The following POLI variants were observed in gnomAD, a reference collection of about 807,000 sequenced individuals.
The protein encoded by POLI is DNA polymerase iota.
Under a neutral mutation model 51.6 loss-of-function variants are expected in POLI, and 58 were observed. The ratio of observed to expected loss-of-function variants is 1.12; its 90% confidence interval spans 0.91 to 1.40. The LOEUF (loss-of-function observed/expected upper bound fraction) is 1.40, where lower values mean the gene tolerates loss of function less well. POLI is among the 40% of genes most tolerant of loss of function. The pLI, the probability that POLI is intolerant of heterozygous loss-of-function variation, is 0.00. For synonymous variants in POLI, 322 were observed against 299.7 expected (o/e 1.07, Z -0.77); for missense variants, 921 against 871.3 (o/e 1.06, Z -0.72).
At position 54,304,232 on chromosome 18, in the gene POLI, T is replaced by C. The variant is rs544449960; in HGVS notation, c.334-16041T>C. On this transcript the variant is annotated intron_variant, in intron 3 of 4. Coordinates refer to the POLI transcript ENST00000579823. ...GACACAATAAACATACATGTGCGTG[T>C]GTCTTTATAGTAGCATGATGTATAA... Among the ~76,000 whole-genome samples the C allele has an allele frequency of 2.0e-5, 3 of 152,324 alleles. No homozygotes were observed. In the East Asian group the frequency reaches 5.8e-4, roughly 29 times the overall value.
downstream of POLI, among the ~76,000 whole-genome samples, chr18:54,301,367 A>C (rs944339066): frequency 2.0e-5 from 3 of 152,148 alleles, no homozygotes; most frequent in African/African-American, 7.2e-5. Context: ...GATACAGAAG[A>C]CCTGAACAAT....
Position 54,295,175 on chromosome 18 carries a change from A to G in POLI, c.*708A>G, listed in dbSNP as rs2088257278. 1 of 984,036 alleles carries G rather than the reference A, an allele frequency of 1.0e-6. No individual in the cohort carries two copies. Among genetic ancestry groups the G allele is most frequent in the African/African-American group, 1.7e-5 (1 of 57,272 alleles). 61.0% of individuals were successfully genotyped at this position (984,036 alleles called of 1,614,324 possible). ...CAAGTAAATTAAGGGAAAGATGGAC[A>G]CCAGAAAGGCAAGGTGATGGGCCTA... is the stretch of plus-strand genomic sequence containing the variant. On this transcript the variant is annotated 3_prime_UTR_variant, in exon 10 of 10. Coordinates refer to ENST00000579534, the MANE Select transcript of POLI (RefSeq NM_007195.3).
chr18:54,294,471 T>A lies in POLI; in HGVS notation c.*4T>A, dbSNP rs1305883369. 3 of 1,573,374 alleles carry A rather than the reference T, an allele frequency of 1.9e-6. No individual in the cohort carries two copies. The highest frequency in any genetic ancestry group is 3.9e-5 in the Admixed American group (2 of 51,360). On this transcript the variant is annotated 3_prime_UTR_variant, in exon 10 of 10. Coordinates refer to ENST00000579534, the MANE Select transcript of POLI (RefSeq NM_007195.3). ...TTTCCACATTGGACATAAATAAGCA[T>A]ATTCAGCAAAAAGGTCTGAAAAGCA...
intron 3 of POLI, among the ~76,000 whole-genome samples, chr18:54,274,292 G>A (rs563391267): frequency 1.3e-5 from 2 of 152,196 alleles, no homozygotes; most frequent in East Asian, 3.9e-4. Context: ...AAGATGTATA[G>A]TTGGAAGTAA....
chr18:54,271,643 A>G (rs1337204582), intron 2 of POLI, among the ~76,000 whole-genome samples, 158 bp downstream of exon 2: 2 of 152,250 alleles, frequency 1.3e-5, no homozygotes, highest in Admixed American at 6.5e-5. Context: ...TACCAAGTGT[A>G]AATTTTACAA....
intron 4 of POLI, among the ~76,000 whole-genome samples, chr18:54,280,269 A>G (rs1345870022): frequency 1.3e-5 from 2 of 152,216 alleles, no homozygotes; most frequent in Non-Finnish European, 2.9e-5. Context: ...GTTTCCACTC[A>G]TGGTGGAAGG....
intron 3 of POLI, among the ~76,000 whole-genome samples, chr18:54,315,805 T>C (rs2088727704): frequency 6.6e-6 from 1 of 152,204 alleles, no homozygotes; most frequent in African/African-American, 2.4e-5. Context: ...ATTTGCATGA[T>C]GGATCTTTCT....
intron 3 of POLI, among the ~76,000 whole-genome samples, chr18:54,309,548 G>A (rs1244027360): frequency 6.6e-6 from 1 of 152,202 alleles, no homozygotes; most frequent in Non-Finnish European, 1.5e-5. Context: ...GGGTGTCAGG[G>A]AAGAGGCAGT....
Position 54,308,968 on chromosome 18 carries a change from A to G in POLI, c.334-11305A>G, listed in dbSNP as rs150041275. 3.8e-3 allele frequency among the ~76,000 whole-genome samples: 580 copies of G among 152,264 alleles called. 4 individuals are homozygous for G. The highest frequency in any genetic ancestry group is 0.013 in the African/African-American group (536 of 41,538). ...AGGTCTTCTCTACACTGTTTATTCT[A>G]GTTAGCCATTCGTCTAATCTTTTTT... On this transcript the variant is annotated intron_variant, in intron 3 of 4. Coordinates refer to the POLI transcript ENST00000579823.
At chr18:54,312,203 T>C (rs1027775349) in intron 3 of POLI, among the ~76,000 whole-genome samples, 2 of 152,144 alleles carry the variant, frequency 1.3e-5, no homozygotes, top group African/African-American at 4.8e-5. Context: ...GAAAACGCAG[T>C]ATTTGATTTT....
intron 4 of POLI, among the ~76,000 whole-genome samples, chr18:54,278,173 C>A (rs890724760): frequency 6.6e-6 from 1 of 152,092 alleles, no homozygotes; most frequent in Non-Finnish European, 1.5e-5. Context: ...TTTAGAAAGC[C>A]ATACCCAGCT....
chr18:54,318,528 T>C (rs2144654681), intron 3 of POLI, among the ~76,000 whole-genome samples: 1 of 152,340 alleles, frequency 6.6e-6, no homozygotes, highest in South Asian at 2.1e-4. Flanking sequence ...AGATCTCATA[T>C]TAGTAAAATT....
chr18:54,277,915 C>T, intron 4 of POLI, 60 bp downstream of exon 4: 1 of 1,244,720 alleles, frequency 8.0e-7, no homozygotes, highest in Non-Finnish European at 1.1e-6. Flanking sequence ...TCTTAATGTT[C>T]AGTGAGTTCG....
intron 3 of POLI, among the ~76,000 whole-genome samples, chr18:54,274,332 A>G (rs1387634257): frequency 1.8e-4 from 28 of 152,224 alleles, no homozygotes; most frequent in Admixed American, 1.8e-3. Flanking sequence ...TGTTTATATA[A>G]CAGGGAAAAG....
downstream of POLI, among the ~76,000 whole-genome samples, chr18:54,301,618 G>A (rs1182931411): frequency 6.6e-6 from 1 of 152,068 alleles, no homozygotes; most frequent in African/African-American, 2.4e-5. Context: ...ACTCAACTGA[G>A]GACTTAAGGG....
chr18:54,275,509 A>G (rs2087201424), intron 3 of POLI, among the ~76,000 whole-genome samples: 1 of 152,232 alleles, frequency 6.6e-6, no homozygotes, highest in African/African-American at 2.4e-5. Context: ...TTGGTGCAAT[A>G]CTATTTGACT....
Position 54,293,774 on chromosome 18 carries a change from T to C in POLI, c.1530T>C (p.Ser510=). The C allele has an allele frequency of 6.2e-7, 1 of 1,605,698 alleles. No homozygotes were observed. Among genetic ancestry groups the C allele is most frequent in the Non-Finnish European group, 8.5e-7 (1 of 1,175,436 alleles). ...CTCCACTAGATACCACAAATTTTTCTAAAGAAAAAGACATTAATGAATTCC... is the reference window on the plus strand; with the variant it reads ...CTCCACTAGATACCACAAATTTTTCCAAAGAAAAAGACATTAATGAATTCC... ...RESPLDTTNF[S]KEKDINEFPL... is the part of the protein sequence containing the mutation. Residue 510 remains serine, a synonymous_variant, in exon 10 of 10, where the codon TCT becomes TCC. Transcript: ENST00000579534.
chr18:54,296,713 T>C lies in POLI; in HGVS notation c.*2246T>C, dbSNP rs2088349098. Reference sequence around the variant, plus strand: ...TAATTTCATCAGCTCTATCTTTCTGTTTACTAGTTCATTTTTCAGTAGCAT... The same window carrying C: ...TAATTTCATCAGCTCTATCTTTCTGCTTACTAGTTCATTTTTCAGTAGCAT... On this transcript the variant is annotated 3_prime_UTR_variant, in exon 10 of 10. Transcript: ENST00000579534. 1 of 193,636 alleles carries C rather than the reference T, an allele frequency of 5.2e-6. No individual in the cohort carries two copies. Among genetic ancestry groups the C allele is most frequent in the African/African-American group, 2.4e-5 (1 of 41,982 alleles). The allele number at this position is 193,636 out of a possible 1,614,324, so 12.0% of individuals were successfully genotyped here.
At position 54,294,412 on chromosome 18, in the gene POLI, A is replaced by G; in HGVS notation, c.2168A>G (p.Glu723Gly). 1 of 1,612,176 alleles carries G rather than the reference A, an allele frequency of 6.2e-7. No individual in the cohort carries two copies. The highest frequency in any genetic ancestry group is 8.5e-7 in the Non-Finnish European group (1 of 1,178,938). Residue 723 changes from glutamate to glycine, a missense_variant, in exon 10 of 10, where the codon GAA (glutamate) becomes GGA (glycine). Glu to Gly is a moderately conservative substitution (Grantham distance 98). Coordinates refer to ENST00000579534, the MANE Select transcript of POLI (RefSeq NM_007195.3). Reference sequence around the variant, plus strand: ...GAACTACCAGAAGCAGTACAAAAGGAACTGCTGGCAGAGTGGAAGAGAGCA... The same window carrying G: ...GAACTACCAGAAGCAGTACAAAAGGGACTGCTGGCAGAGTGGAAGAGAGCA... Reference protein sequence around the residue: ...FYELPEAVQKELLAEWKRAGS... With the variant: ...FYELPEAVQKGLLAEWKRAGS...
Sources: gnomAD v4.1 joint callset for allele counts (sites outside exome capture counted in the v4.1 genomes callset) on GRCh38, gnomAD v4.1.1 for gene constraint, MANE v1.5 for transcripts, NCBI Gene and HGNC (gene_info 2026-07-23, HGNC 2026-07-21) for gene names.